Variants in CSMD1 observed in about 807,000 individuals in gnomAD.
The protein encoded by CSMD1 is CUB and sushi domain-containing protein 1.
Under a neutral mutation model 417.5 loss-of-function variants are expected in CSMD1, and 213 were observed. The ratio of observed to expected loss-of-function variants is 0.51; its 90% CI spans 0.46 to 0.57. CSMD1 has a LOEUF of 0.57. Among genes scored for constraint, CSMD1 ranks in the 20% least tolerant of loss-of-function variants. The pLI is 0.00. For missense variants in CSMD1, 6,923 were observed against 4,529.7 expected (o/e 1.53, Z -15.17); for synonymous variants, 2,862 against 1,736.8 (o/e 1.65, Z -16.11).
At chr8:4,663,505 C>T (rs1249988069) in intron 1 of CSMD1, among the ~76,000 whole-genome samples, 1 of 152,048 alleles carries the variant, frequency 6.6e-6, no homozygotes, top group African/African-American at 2.4e-5. Context: ...ACAGATATTC[C>T]CCTTGCTGTT....
chr8:4,584,821 G>A (rs1799619443), intron 2 of CSMD1, among the ~76,000 whole-genome samples: 1 of 151,996 alleles, frequency 6.6e-6, no homozygotes, highest in African/African-American at 2.4e-5. Context: ...CCTGTCTCTG[G>A]TGCTTTTCTA....
intron 7 of CSMD1, among the ~76,000 whole-genome samples, chr8:3,669,869 T>A (rs1716178361): frequency 6.6e-6 from 1 of 152,080 alleles, no homozygotes; most frequent in Non-Finnish European, 1.5e-5. Flanking sequence ...GGGGCCCAGG[T>A]GATGATCAAG....
intron 4 of CSMD1, among the ~76,000 whole-genome samples, chr8:4,009,316 T>C (rs1167304082): frequency 6.6e-6 from 1 of 152,214 alleles, no homozygotes; most frequent in Non-Finnish European, 1.5e-5. Flanking sequence ...CTTTTGTGGG[T>C]ATAAAACTTG....
At chr8:4,992,511 G>A (rs1021004935) in intron 1 of CSMD1, among the ~76,000 whole-genome samples, 1 of 152,168 alleles carries the variant, frequency 6.6e-6, no homozygotes, top group Non-Finnish European at 1.5e-5. Flanking sequence ...GCGGAGTTGC[G>A]TGGCAGGTGT....
At chr8:4,931,224 TTAGAATATTG>T (rs1225469781) in intron 1 of CSMD1, among the ~76,000 whole-genome samples, 2 of 152,220 alleles carry the variant, frequency 1.3e-5, no homozygotes, top group Non-Finnish European at 2.9e-5. Context: ...TCCCCTTTTT[TTAGAATATTG>T]TTTTCTCCTT....
intron 5 of CSMD1, among the ~76,000 whole-genome samples, chr8:3,786,790 C>A (rs1453989804): frequency 6.6e-6 from 1 of 152,150 alleles, no homozygotes; most frequent in Non-Finnish European, 1.5e-5. Flanking sequence ...CCCTTGCGTC[C>A]TCAGGTGGTA....
chr8:4,669,646 G>T (rs1283402348), intron 1 of CSMD1, among the ~76,000 whole-genome samples: 3 of 152,056 alleles, frequency 2.0e-5, no homozygotes, highest in African/African-American at 2.4e-5. Flanking sequence ...TTCCAACAAA[G>T]TTCTTAACAT....
chr8:4,210,170 C>A (rs1198844137), intron 3 of CSMD1, among the ~76,000 whole-genome samples: 1 of 152,212 alleles, frequency 6.6e-6, no homozygotes, highest in Admixed American at 6.5e-5. Flanking sequence ...TCTGATGCTG[C>A]CTCAGCCCAT....
chr8:2,959,067 G>A (rs552351144), intron 62 of CSMD1, among the ~76,000 whole-genome samples: 10 of 152,296 alleles, frequency 6.6e-5, no homozygotes, highest in African/African-American at 2.4e-4. Flanking sequence ...ATGGGAAAGC[G>A]TTGACTCATT....
intron 1 of CSMD1, among the ~76,000 whole-genome samples, chr8:4,786,039 G>C (rs1293070502): frequency 6.6e-6 from 1 of 152,122 alleles, no homozygotes; most frequent in Non-Finnish European, 1.5e-5. Flanking sequence ...AAATAGAATA[G>C]CCAACATTTG....
intron 2 of CSMD1, among the ~76,000 whole-genome samples, chr8:4,539,357 C>G (rs1324236326): frequency 6.6e-6 from 1 of 152,150 alleles, no homozygotes; most frequent in African/African-American, 2.4e-5. Flanking sequence ...TTTCACTAAG[C>G]CCATGGATCA....
chr8:3,350,330 G>A (rs1157832407), intron 21 of CSMD1, among the ~76,000 whole-genome samples: 1 of 150,466 alleles, frequency 6.6e-6, no homozygotes, highest in Non-Finnish European at 1.5e-5. Context: ...ACTTGTGTAT[G>A]TGTGTGTTAT....
At chr8:4,286,363 T>C (rs751575639) in intron 3 of CSMD1, among the ~76,000 whole-genome samples, 4 of 152,164 alleles carry the variant, frequency 2.6e-5, no homozygotes. Flanking sequence ...TTTCCTTCTA[T>C]GTTAGTTCAA....
chr8:3,520,579 T>C (rs555649638), intron 10 of CSMD1, among the ~76,000 whole-genome samples: 28 of 152,302 alleles, frequency 1.8e-4, no homozygotes, highest in African/African-American at 6.7e-4. Flanking sequence ...ATTTAACCTT[T>C]AAAACTCACA....
intron 3 of CSMD1, among the ~76,000 whole-genome samples, chr8:4,151,382 C>A (rs888429187): frequency 6.6e-6 from 1 of 152,126 alleles, no homozygotes; most frequent in Admixed American, 6.5e-5. Context: ...GTTTCTAGAT[C>A]CTGCTGACCA....
Position 3,409,412 on chromosome 8 carries a change from AT to A in CSMD1, c.1744+10del. 1.2e-6 allele frequency: 2 copies of A among 1,603,138 alleles called. No homozygotes were observed. Among genetic ancestry groups the A allele is most frequent in the South Asian group, 2.3e-5 (2 of 88,714 alleles). ...GACAGGAGGGAGTCCAGGTCAAGGC[AT>A]AATACTCACATACACAGCTGGGCTT... On this transcript the variant is annotated intron_variant, in intron 13 of 69. Coordinates refer to ENST00000635120, the MANE Select transcript of CSMD1 (RefSeq NM_033225.6).
At chr8:4,387,570 C>CAAAAAAAAAAAAAA (rs540419006) in intron 3 of CSMD1, among the ~76,000 whole-genome samples, 855 of 37,164 alleles carry the variant, frequency 0.023, 194 homozygotes, top group Non-Finnish European at 0.032. Flanking sequence ...TCCAAACTGG[C>CAAAAAAAAAAAAAA]AAAAAAAAAA....
intron 8 of CSMD1, 124 bp downstream of exon 8, chr8:3,616,586 A>G: frequency 1.5e-6 from 1 of 654,432 alleles, no homozygotes; most frequent in Non-Finnish European, 2.6e-6. Flanking sequence ...ACACATTTAG[A>G]GTTAATGATT....
chr8:4,181,377 TG>T (rs1798362927), intron 3 of CSMD1, among the ~76,000 whole-genome samples: 1 of 151,932 alleles, frequency 6.6e-6, no homozygotes, highest in African/African-American at 2.4e-5. Flanking sequence ...ATTTTTTTTT[TG>T]AATGCTTAAA....
Sources: allele counts gnomAD v4.1 joint callset (sites outside exome capture counted in the v4.1 genomes callset), GRCh38; gene constraint gnomAD v4.1.1; transcripts MANE v1.5; gene names NCBI Gene and HGNC (gene_info 2026-07-23, HGNC 2026-07-21).